Variants in CTNND2 observed in about 807,000 individuals in gnomAD.
CTNND2 encodes catenin delta-2.
A neutral mutation model predicts 144.4 loss-of-function variants in CTNND2; 22 were observed. The ratio of observed to expected loss-of-function variants is 0.15; its 90% confidence interval spans 0.11 to 0.22. The LOEUF (loss-of-function observed/expected upper bound fraction) is 0.22. Ranked by LOEUF, CTNND2 falls within the 10% of genes least tolerant of loss-of-function variation. The pLI is 1.00. For missense variants in CTNND2, 1,353 were observed against 1,618.8 expected, an observed-to-expected ratio of 0.84 and a Z score of 2.82; for synonymous variants, 751 against 695.6, an observed-to-expected ratio of 1.08 and a Z score of -1.25.
At chr5:11,512,866 AG>A (rs1228377601) in intron 3 of CTNND2, among the ~76,000 whole-genome samples, 3 of 152,232 alleles carry the variant, frequency 2.0e-5, no homozygotes, top group Non-Finnish European at 2.9e-5. Flanking sequence ...AGTCTGCAGG[AG>A]AAAAGACAGA....
intron 2 of CTNND2, among the ~76,000 whole-genome samples, chr5:11,611,344 T>C (rs1330539449): frequency 1.3e-5 from 2 of 152,224 alleles, no homozygotes; most frequent in African/African-American, 2.4e-5. Flanking sequence ...AGACTAATAC[T>C]GTAGAAATAT....
At chr5:11,749,080 G>A (rs1352485067) in intron 1 of CTNND2, among the ~76,000 whole-genome samples, 1 of 151,886 alleles carries the variant, frequency 6.6e-6, no homozygotes, top group African/African-American at 2.4e-5. Flanking sequence ...ACTGGCAAAG[G>A]ACTGATACCT....
At chr5:11,840,513 G>A (rs1309758149) in intron 1 of CTNND2, among the ~76,000 whole-genome samples, 1 of 152,104 alleles carries the variant, frequency 6.6e-6, no homozygotes, top group Non-Finnish European at 1.5e-5. Context: ...ATTTTTCAAA[G>A]AAATAAATAT....
At chr5:11,824,091 C>A (rs1793471577) in intron 1 of CTNND2, among the ~76,000 whole-genome samples, 1 of 102,540 alleles carries the variant, frequency 9.8e-6, no homozygotes, top group East Asian at 2.8e-4. Flanking sequence ...AACAGAGTGT[C>A]TCAAAAAAAA....
intron 9 of CTNND2, among the ~76,000 whole-genome samples, chr5:11,237,177 G>A (rs1011134949): frequency 6.6e-6 from 1 of 151,820 alleles, no homozygotes; most frequent in South Asian, 2.1e-4. Flanking sequence ...CCACCACCAC[G>A]CCTGGCCAAT....
intron 2 of CTNND2, among the ~76,000 whole-genome samples, chr5:11,674,642 G>A (rs1444368301): frequency 9.2e-5 from 14 of 152,212 alleles, no homozygotes; most frequent in South Asian, 6.2e-4. Flanking sequence ...TTTCTGTAGC[G>A]TTAGAGTTGT....
chr5:11,327,111 G>A (rs939917281), intron 9 of CTNND2, among the ~76,000 whole-genome samples: 6 of 152,194 alleles, frequency 3.9e-5, no homozygotes, highest in Non-Finnish European at 7.3e-5. Context: ...TCAAGCTAGA[G>A]GGTATGCTAC....
At chr5:11,294,955 C>T (rs1001088217) in intron 9 of CTNND2, among the ~76,000 whole-genome samples, 16 of 152,150 alleles carry the variant, frequency 1.1e-4, no homozygotes, top group South Asian at 2.1e-4. Flanking sequence ...CACTCCTATT[C>T]AACATAGTGT....
At chr5:11,736,440 C>G (rs962997199) in intron 1 of CTNND2, among the ~76,000 whole-genome samples, 5 of 152,180 alleles carry the variant, frequency 3.3e-5, no homozygotes, top group South Asian at 2.1e-4. Flanking sequence ...ATGCAAATGA[C>G]TTGGAATAAT....
intron 8 of CTNND2, among the ~76,000 whole-genome samples, chr5:11,354,548 T>C (rs1185259789): frequency 6.6e-6 from 1 of 152,212 alleles, no homozygotes; most frequent in African/African-American, 2.4e-5. Flanking sequence ...CATTTGTCTA[T>C]ACACTTGCAA....
chr5:11,543,213 C>A (rs561121327), intron 3 of CTNND2, among the ~76,000 whole-genome samples: 118 of 152,338 alleles, frequency 7.7e-4, no homozygotes, highest in African/African-American at 2.7e-3. Context: ...AATCTGCAAA[C>A]AGTCCAGGCT....
intron 12 of CTNND2, among the ~76,000 whole-genome samples, chr5:11,156,821 A>G (rs757989247): frequency 1.3e-5 from 2 of 152,160 alleles, no homozygotes; most frequent in Non-Finnish European, 2.9e-5. Context: ...TTGAAGTAAG[A>G]AAGAAGGGAG....
At chr5:11,219,241 A>C (rs1488221060) in intron 10 of CTNND2, among the ~76,000 whole-genome samples, 2 of 152,240 alleles carry the variant, frequency 1.3e-5, no homozygotes, top group African/African-American at 4.8e-5. Context: ...ACCCACTTCA[A>C]CTATTAATCC....
At chr5:11,275,007 C>T (rs1031664760) in intron 9 of CTNND2, among the ~76,000 whole-genome samples, 17 of 152,146 alleles carry the variant, frequency 1.1e-4, no homozygotes, top group Middle Eastern at 3.4e-3. Context: ...AACATAATTA[C>T]GGGTATAGAG....
At chr5:11,797,640 T>C (rs1435106195) in intron 1 of CTNND2, among the ~76,000 whole-genome samples, 3 of 152,348 alleles carry the variant, frequency 2.0e-5, no homozygotes, top group South Asian at 2.1e-4. Context: ...TCTCTGAATG[T>C]GGAAATTTTA....
intron 9 of CTNND2, among the ~76,000 whole-genome samples, chr5:11,278,920 T>G (rs1262747103): frequency 6.6e-6 from 1 of 152,164 alleles, no homozygotes; most frequent in Admixed American, 6.5e-5. Context: ...ATGGCAGCCC[T>G]GGGGCTCATC....
chr5:11,039,594 G>A (rs1744470409), intron 16 of CTNND2, among the ~76,000 whole-genome samples: 1 of 152,158 alleles, frequency 6.6e-6, no homozygotes, highest in African/African-American at 2.4e-5. Flanking sequence ...TAATCTGCCT[G>A]TTGTTTTAAT....
chr5:11,286,597 T>C (rs181705248), intron 9 of CTNND2, among the ~76,000 whole-genome samples: 7 of 152,252 alleles, frequency 4.6e-5, no homozygotes, highest in African/African-American at 1.7e-4. Context: ...CCACTAACAA[T>C]GCTGAACACG....
intron 9 of CTNND2, among the ~76,000 whole-genome samples, chr5:11,293,015 G>A (rs1007955741): frequency 7.2e-5 from 11 of 152,104 alleles, no homozygotes; most frequent in Middle Eastern, 3.2e-3. Context: ...AAAATCCTTC[G>A]CAAACTTAGA....
Sources: allele counts gnomAD v4.1 joint callset (sites outside exome capture counted in the v4.1 genomes callset), GRCh38; gene constraint gnomAD v4.1.1; transcripts MANE v1.5; gene names NCBI Gene and HGNC (gene_info 2026-07-23, HGNC 2026-07-21).